The following SMOC2 variants were observed in gnomAD, a reference collection of about 807,000 sequenced individuals.
SMOC2 encodes the protein SPARC related modular calcium binding 2.
Under a neutral mutation model 61.4 loss-of-function variants are expected in SMOC2, and 39 were observed. That is an observed-to-expected ratio of 0.64 (90% CI 0.49 to 0.83). The LOEUF (loss-of-function observed/expected upper bound fraction) is 0.83, where lower values mean the gene tolerates loss of function less well. Ranked by LOEUF, SMOC2 falls within the 40% of genes least tolerant of loss-of-function variation. The pLI is 0.00. For missense variants in SMOC2, 556 were observed against 592.9 expected (o/e 0.94, Z 0.65); for synonymous variants, 247 against 239.9 (o/e 1.03, Z -0.27).
intron 7 of SMOC2, among the ~76,000 whole-genome samples, chr6:168,566,601 G>A (rs1330561225): frequency 6.6e-6 from 1 of 150,660 alleles, no homozygotes; most frequent in Non-Finnish European, 1.5e-5. Flanking sequence ...TCCTGCCTCA[G>A]CCTCCGAGTA....
chr6:168,529,234 G>A (rs533569318), intron 4 of SMOC2, among the ~76,000 whole-genome samples: 79 of 152,108 alleles, frequency 5.2e-4, no homozygotes, highest in Non-Finnish European at 9.3e-4. Context: ...TACGTGGAAC[G>A]TTTGGTCCAA....
At chr6:168,470,402 G>T (rs139350191) in intron 1 of SMOC2, among the ~76,000 whole-genome samples, 6 of 152,312 alleles carry the variant, frequency 3.9e-5, no homozygotes, top group African/African-American at 7.2e-5. Flanking sequence ...CTGGTCAAGC[G>T]CAGTGGCTCA....
intron 12 of SMOC2, chr6:168,664,886 A>C: frequency 2.2e-6 from 1 of 462,604 alleles, no homozygotes; most frequent in Non-Finnish European, 4.5e-6. Flanking sequence ...TCAATTTGTG[A>C]TTTATTTTGT....
At chr6:168,474,967 A>G (rs965099124) in intron 1 of SMOC2, among the ~76,000 whole-genome samples, 3 of 152,174 alleles carry the variant, frequency 2.0e-5, no homozygotes, top group Non-Finnish European at 2.9e-5. Context: ...CTGACTACCT[A>G]GAAAGCTTCT....
At chr6:168,664,193 A>T in intron 12 of SMOC2, 82 bp downstream of exon 12, 1 of 1,104,644 alleles carries the variant, frequency 9.1e-7, no homozygotes, top group Non-Finnish European at 1.3e-6. Context: ...TAGATTTGCA[A>T]TGGCCAGTAC....
At chr6:168,615,436 T>C (rs1786051112) in intron 9 of SMOC2, among the ~76,000 whole-genome samples, 1 of 100,678 alleles carries the variant, frequency 9.9e-6, no homozygotes, top group Non-Finnish European at 2.0e-5. Flanking sequence ...AGGGGGCCTC[T>C]TCACACCTAC....
chr6:168,618,449 G>C (rs80157208), intron 9 of SMOC2, among the ~76,000 whole-genome samples: 3,388 of 94,426 alleles, frequency 0.036, 22 homozygotes, highest in Non-Finnish European at 0.039. Context: ...GGCGGGTAGT[G>C]GCATTAGGAG....
At chr6:168,533,934 T>A (rs1783672616) in intron 4 of SMOC2, among the ~76,000 whole-genome samples, 1 of 152,112 alleles carries the variant, frequency 6.6e-6, no homozygotes, top group Non-Finnish European at 1.5e-5. Flanking sequence ...CAAATATAAA[T>A]CTGAATTTTA....
At chr6:168,545,574 G>C (rs1270214754) in intron 5 of SMOC2, among the ~76,000 whole-genome samples, 1 of 152,256 alleles carries the variant, frequency 6.6e-6, no homozygotes, top group African/African-American at 2.4e-5. Flanking sequence ...GTGCTGAGGA[G>C]GGAAGCATGG....
chr6:168,497,443 T>C (rs1403850213), intron 1 of SMOC2, among the ~76,000 whole-genome samples: 1 of 152,220 alleles, frequency 6.6e-6, no homozygotes. Flanking sequence ...CATAGGTATC[T>C]GTGGCCTCCG....
At chr6:168,504,286 A>C (rs545378996) in intron 1 of SMOC2, among the ~76,000 whole-genome samples, 335 of 151,394 alleles carry the variant, frequency 2.2e-3, no homozygotes, top group Non-Finnish European at 4.1e-3. Flanking sequence ...TTTATTGCGC[A>C]CTTTATTTCT....
At chr6:168,443,392 T>C (rs1562532536) in intron 1 of SMOC2, among the ~76,000 whole-genome samples, 1 of 152,230 alleles carries the variant, frequency 6.6e-6, no homozygotes, top group Non-Finnish European at 1.5e-5. Flanking sequence ...TGGGTTGCGG[T>C]GAGACCCGCT....
At chr6:168,514,969 C>T (rs958195677) in intron 2 of SMOC2, among the ~76,000 whole-genome samples, 3 of 152,172 alleles carry the variant, frequency 2.0e-5, no homozygotes, top group Admixed American at 1.3e-4. Context: ...CATGTGACTT[C>T]GGATCTTTGC....
At chr6:168,620,156 C>T (rs1005668125) in intron 9 of SMOC2, among the ~76,000 whole-genome samples, 6 of 152,232 alleles carry the variant, frequency 3.9e-5, no homozygotes, top group African/African-American at 1.2e-4. Flanking sequence ...CTTTAGCTAT[C>T]GGTATTTCAT....
rs1258621252 is a variant in SMOC2 at position 168,441,439 on chromosome 6, G to A, written c.69G>A (p.Lys23=). Residue 23 remains lysine, a synonymous_variant, in exon 1 of 13, where the codon AAG becomes AAA. Coordinates refer to ENST00000356284, the MANE Select transcript of SMOC2 (RefSeq NM_001166412.2). ...AGLLPPVPAQ[K]FSALTFLRVD... ...TGCTCCCGCCGGTGCCCGCTCAGAA[G>A]TTCTCGGCGCTCACGGTAAGCCCGG... is the stretch of plus-strand genomic sequence containing the variant. The A allele has an allele frequency of 8.0e-6, 12 of 1,508,536 alleles. No homozygotes were observed. The highest frequency in any genetic ancestry group is 1.1e-5 in the Non-Finnish European group (12 of 1,132,512). The allele number at this position is 1,508,536 out of a possible 1,614,324, so 93.4% of individuals were successfully genotyped here.
At chr6:168,573,716 TC>T (rs1325509915) in intron 7 of SMOC2, among the ~76,000 whole-genome samples, 1 of 152,064 alleles carries the variant, frequency 6.6e-6, no homozygotes, top group Non-Finnish European at 1.5e-5. Context: ...GGACCCTGTC[TC>T]CCCAGCAGGA....
chr6:168,599,487 A>AC (rs1299231309), intron 8 of SMOC2, among the ~76,000 whole-genome samples: 51 of 78,384 alleles, frequency 6.5e-4, no homozygotes, highest in Admixed American at 1.5e-4. Flanking sequence ...ACACAATCAT[A>AC]CCCCACACAC....
At chr6:168,643,646 G>T (rs555798913) in intron 9 of SMOC2, among the ~76,000 whole-genome samples, 2 of 152,220 alleles carry the variant, frequency 1.3e-5, no homozygotes, top group Non-Finnish European at 2.9e-5. Flanking sequence ...CATCATGGCC[G>T]TGGGGCAGCG....
At chr6:168,500,523 G>A (rs62424594) in intron 1 of SMOC2, among the ~76,000 whole-genome samples, 106 of 152,132 alleles carry the variant, frequency 7.0e-4, no homozygotes, top group Non-Finnish European at 1.1e-3. Context: ...GTCATGCCCC[G>A]TGTTCTTGCA....
Sources: allele counts gnomAD v4.1 joint callset (sites outside exome capture counted in the v4.1 genomes callset), GRCh38; gene constraint gnomAD v4.1.1; transcripts MANE v1.5; gene names NCBI Gene and HGNC (gene_info 2026-07-23, HGNC 2026-07-21).